THADA: variants seen among roughly 807,000 people sequenced by gnomAD.
THADA encodes tRNA (32-2'-O)-methyltransferase regulator THADA.
In THADA, 213 loss-of-function variants were observed where a neutral mutation model predicts 219.8. The observed-to-expected ratio is 0.97, with a 90% CI of 0.87 to 1.09. The LOEUF is 1.09. Ranked by LOEUF, THADA falls within the 50% of genes least tolerant of loss-of-function variation. THADA has a pLI of 0.00. For synonymous variants in THADA, 1,018 were observed against 828.9 expected (o/e 1.23, Z -3.92); for missense variants, 2,956 against 2,311.3 (o/e 1.28, Z -5.72).
intron 13 of THADA, among the ~76,000 whole-genome samples, chr2:43,571,028 G>T (rs1699231739): frequency 6.6e-6 from 1 of 152,168 alleles, no homozygotes; most frequent in South Asian, 2.1e-4. Flanking sequence ...GGCTGAGGTG[G>T]CAGGACCACT....
intron 36 of THADA, among the ~76,000 whole-genome samples, chr2:43,248,061 C>CA (rs895801545): frequency 6.7e-4 from 93 of 138,128 alleles, no homozygotes; most frequent in African/African-American, 2.1e-3. Context: ...ACAAAACAAA[C>CA]AAAAAAAAAG....
intron 21 of THADA, among the ~76,000 whole-genome samples, chr2:43,530,899 A>G (rs931175922): frequency 6.6e-5 from 10 of 152,268 alleles, no homozygotes; most frequent in African/African-American, 2.4e-4. Context: ...TTCTAAGGAC[A>G]AAACTGAGAT....
intron 29 of THADA, among the ~76,000 whole-genome samples, chr2:43,368,285 C>T (rs1160021362): frequency 6.6e-6 from 1 of 152,158 alleles, no homozygotes; most frequent in Non-Finnish European, 1.5e-5. Context: ...CATTTTATAT[C>T]ATATACTTGT....
chr2:43,580,478 C>G (rs1003658375), intron 8 of THADA, among the ~76,000 whole-genome samples: 24 of 150,660 alleles, frequency 1.6e-4, no homozygotes, highest in African/African-American at 5.8e-4. Flanking sequence ...ATAAAAGTAA[C>G]TTTAACTACT....
chr2:43,281,089 G>C (rs964403351), intron 35 of THADA, among the ~76,000 whole-genome samples: 1 of 152,148 alleles, frequency 6.6e-6, no homozygotes, highest in Non-Finnish European at 1.5e-5. Context: ...CCTTTCAATG[G>C]AGAAACTACC....
rs780717880 is a variant in THADA, at chr2:43,556,416, T to C, written c.2603A>G (p.Tyr868Cys). The C allele has an allele frequency of 3.1e-6, 5 of 1,613,676 alleles. 1 individual carries two copies. In the South Asian group the frequency reaches 3.3e-5, roughly 11 times the overall value. The part of the protein sequence containing the change: ...QDALPSSLSA[Y>C]LTQQVACDNG... ...ATCACATGCAACTTGCTGAGTTAAG[T>C]AGGCAGACAAGGATGACGGTAGAGC... The change falls in exon 17 of 38, where the codon TAC (tyrosine) becomes TGC (cysteine). Residue 868 changes from tyrosine to cysteine, a missense_variant. Physicochemically the swap from Tyr to Cys is radical, Grantham distance 194. Transcript: ENST00000405975.
chr2:43,369,274 C>A (rs1670528194), intron 29 of THADA, among the ~76,000 whole-genome samples: 1 of 152,202 alleles, frequency 6.6e-6, no homozygotes, highest in South Asian at 2.1e-4. Flanking sequence ...TGTCTTCCTG[C>A]CCACTTCTCC....
chr2:43,398,567 G>A (rs1037085216), intron 28 of THADA, among the ~76,000 whole-genome samples: 3 of 152,150 alleles, frequency 2.0e-5, no homozygotes, highest in African/African-American at 7.2e-5. Context: ...CCAAAAGTAC[G>A]AGACAGTATA....
At position 43,398,336 on chromosome 2, in the gene THADA, G is replaced by C. The variant is rs13427056; in HGVS notation, c.4059-197C>G. Among the ~76,000 whole-genome samples the C allele has an allele frequency of 6.8e-3, 1,036 of 152,280 alleles. 16 individuals carry two copies. Among genetic ancestry groups the C allele is most frequent in the African/African-American group, 0.024 (999 of 41,536 alleles). On this transcript the variant is annotated intron_variant, in intron 28 of 37. Transcript: ENST00000405975. ...TTTGCTTTGGTTAAAAACATTGCTA[G>C]CATCTATAATTCTTTATCATGGAGA...
chr2:43,239,983 G>C (rs1026795185), intron 36 of THADA, among the ~76,000 whole-genome samples: 1 of 152,250 alleles, frequency 6.6e-6, no homozygotes, highest in Non-Finnish European at 1.5e-5. Flanking sequence ...CTCTAAGAGA[G>C]AGAAGAGTTG....
chr2:43,494,697 T>C (rs1023203446), intron 25 of THADA, among the ~76,000 whole-genome samples: 2 of 152,236 alleles, frequency 1.3e-5, no homozygotes, highest in African/African-American at 4.8e-5. Flanking sequence ...ACAGCCATTA[T>C]TATGATTATG....
rs1666020825 is a variant in THADA, at chr2:43,333,428, G to A, written c.4343+10694C>T. ...AACCTCTCTCTTCCAGTAAAATCTA[G>A]GAATTGAAAAGCAGTTACTACCTCT... On this transcript the variant is annotated intron_variant, in intron 30 of 37. Transcript: ENST00000405975. Among the ~76,000 whole-genome samples the A allele has an allele frequency of 2.0e-5, 3 of 148,910 alleles. No individual in the cohort carries two copies. The South Asian group carries it at 6.3e-4, about 31-fold the overall frequency.
At chr2:43,354,805 C>G (rs754602272) in intron 29 of THADA, among the ~76,000 whole-genome samples, 14 of 152,046 alleles carry the variant, frequency 9.2e-5, no homozygotes, top group Non-Finnish European at 1.9e-4. Flanking sequence ...TCCCATAAAC[C>G]CATGTATTGA....
At chr2:43,561,018 A>G (rs1697999228) in intron 15 of THADA, among the ~76,000 whole-genome samples, 1 of 69,002 alleles carries the variant, frequency 1.4e-5, no homozygotes, top group African/African-American at 7.4e-5. Flanking sequence ...CTTGGTCTCA[A>G]AAAAAAAAAA....
chr2:43,239,930 G>T (rs147000174), intron 36 of THADA, among the ~76,000 whole-genome samples: 1 of 152,218 alleles, frequency 6.6e-6, no homozygotes, highest in African/African-American at 2.4e-5. Context: ...CCTGTGTGTG[G>T]AGGACGCTGT....
chr2:43,237,267 C>A (rs1485026758), intron 36 of THADA, among the ~76,000 whole-genome samples: 1 of 152,040 alleles, frequency 6.6e-6, no homozygotes, highest in Non-Finnish European at 1.5e-5. Context: ...GTCTTTTCAA[C>A]CAGTAATCCT....
rs531673910 is a variant in THADA, at chr2:43,558,698, T to C, written c.2463+1536A>G. ...CTCCTCAGCTTGCAGAGGGCTATTG[T>C]GGGGCCTCAGCTTGTGATCGTGTGA... On this transcript the variant is annotated intron_variant, in intron 16 of 37. Coordinates refer to ENST00000405975, the MANE Select transcript of THADA (RefSeq NM_022065.5). Among the ~76,000 whole-genome samples the C allele has an allele frequency of 2.6e-5, 4 of 152,342 alleles. No individual in the cohort carries two copies. The South Asian group carries it at 8.3e-4, about 32-fold the overall frequency.
intron 29 of THADA, among the ~76,000 whole-genome samples, chr2:43,357,322 T>C (rs1668979933): frequency 6.6e-6 from 1 of 152,138 alleles, no homozygotes; most frequent in Non-Finnish European, 1.5e-5. Flanking sequence ...GAAAATAAGA[T>C]ACTCTCAGTC....
chr2:43,440,865 T>A (rs1680761793), intron 26 of THADA, among the ~76,000 whole-genome samples: 1 of 152,214 alleles, frequency 6.6e-6, no homozygotes, highest in Admixed American at 6.5e-5. Context: ...GCAGTGGAGC[T>A]ACTATTCTAG....
Sources: gnomAD v4.1 joint callset for allele counts (sites outside exome capture counted in the v4.1 genomes callset) on GRCh38, gnomAD v4.1.1 for gene constraint, MANE v1.5 for transcripts, NCBI Gene and HGNC (gene_info 2026-07-23, HGNC 2026-07-21) for gene names.